Variants in EYS observed in about 807,000 individuals in gnomAD.
EYS encodes the protein EGF-like photoreceptor maintenance factor.
A neutral mutation model predicts 282.1 loss-of-function variants in EYS; 250 were observed. That is an observed-to-expected ratio of 0.89 (90% confidence interval 0.80 to 0.98). The LOEUF is 0.98. Among genes scored for constraint, EYS ranks in the 50% least tolerant of loss-of-function variants. The pLI is 0.00. For missense variants in EYS, 4,016 were observed against 3,709.0 expected (o/e 1.08, Z -2.15); for synonymous variants, 1,355 against 1,282.9 (o/e 1.06, Z -1.20).
chr6:64,771,324 TTG>T (rs1773516737), intron 22 of EYS, among the ~76,000 whole-genome samples: 1 of 151,716 alleles, frequency 6.6e-6, no homozygotes, highest in African/African-American at 2.4e-5. Flanking sequence ...AATAACTATC[TTG>T]TGTTTTTGTT....
At chr6:63,873,224 T>G in intron 35 of EYS, among the ~76,000 whole-genome samples, 1 of 150,410 alleles carries the variant, frequency 6.6e-6, no homozygotes, top group Non-Finnish European at 1.5e-5. Flanking sequence ...TATTGTTTAA[T>G]TCCCACCTAT....
chr6:64,693,750 T>C (rs1315387773), intron 22 of EYS, among the ~76,000 whole-genome samples: 1 of 152,102 alleles, frequency 6.6e-6, no homozygotes, highest in Non-Finnish European at 1.5e-5. Context: ...CATTAATTTT[T>C]TTAAAAAATC....
At chr6:65,104,923 C>T (rs1774991437) in intron 12 of EYS, among the ~76,000 whole-genome samples, 7 of 151,430 alleles carry the variant, frequency 4.6e-5, no homozygotes, top group Admixed American at 4.6e-4. Context: ...AATGAAATCA[C>T]ATACTAATTT....
chr6:65,348,348 C>T (rs553816355), intron 9 of EYS, among the ~76,000 whole-genome samples: 1 of 151,854 alleles, frequency 6.6e-6, no homozygotes, highest in East Asian at 1.9e-4. Context: ...TACATTCCCA[C>T]CAACAGTGTA....
chr6:64,296,588 ATATATATATATTTTTT>A (rs1561913841), intron 30 of EYS, among the ~76,000 whole-genome samples: 5 of 3,526 alleles, frequency 1.4e-3, no homozygotes, highest in African/African-American at 5.5e-3. Flanking sequence ...ATATATACAT[ATATATATATATTTTTT>A]TTTTTTTTTT....
intron 42 of EYS, among the ~76,000 whole-genome samples, chr6:63,723,208 ACT>A (rs946727287): frequency 1.3e-5 from 2 of 152,196 alleles, no homozygotes; most frequent in African/African-American, 4.8e-5. Flanking sequence ...TAACAAAGAA[ACT>A]CAGTTTATTT....
chr6:64,230,027 T>C (rs1326114549), intron 31 of EYS, among the ~76,000 whole-genome samples: 1 of 152,204 alleles, frequency 6.6e-6, no homozygotes, highest in Admixed American at 6.5e-5. Flanking sequence ...TGGCTTTAGT[T>C]GTCTAGCATT....
intron 31 of EYS, among the ~76,000 whole-genome samples, chr6:64,157,026 C>T (rs1774946461): frequency 6.6e-6 from 1 of 150,680 alleles, no homozygotes; most frequent in Non-Finnish European, 1.5e-5. Flanking sequence ...GTATATCTCC[C>T]AATGCTATAC....
intron 5 of EYS, among the ~76,000 whole-genome samples, chr6:65,405,581 C>A (rs1766702318): frequency 6.6e-6 from 1 of 152,046 alleles, no homozygotes; most frequent in Admixed American, 6.6e-5. Flanking sequence ...ACTCAAGCAT[C>A]ATCACAATAC....
At chr6:65,417,355 G>A (rs1767278990) in intron 5 of EYS, among the ~76,000 whole-genome samples, 1 of 152,002 alleles carries the variant, frequency 6.6e-6, no homozygotes, top group Non-Finnish European at 1.5e-5. Context: ...TATTAATTCA[G>A]TTTTGGCCAT....
chr6:63,859,111 T>TAA lies in EYS; in HGVS notation c.7228+5073_7228+5074dup, dbSNP rs1554182595. On this transcript the variant is annotated intron_variant, in intron 36 of 42. Transcript: ENST00000503581. ...TTTTTTTTTTTTTTTTTTTTTTTTT[T>TAA]AATAGCTGGGATGGAGATGCAGCCT... 3.4e-4 allele frequency among the ~76,000 whole-genome samples: 24 copies of TAA among 71,204 alleles called. 1 individual carries two copies. Among genetic ancestry groups the TAA allele is most frequent in the African/African-American group, 1.0e-3 (16 of 15,790 alleles). The allele number at this position is 71,204 out of a possible 152,430, so 46.7% of individuals were successfully genotyped here.
intron 22 of EYS, among the ~76,000 whole-genome samples, chr6:64,742,738 T>C (rs1772418137): frequency 6.6e-6 from 1 of 152,162 alleles, no homozygotes; most frequent in African/African-American, 2.4e-5. Flanking sequence ...ATGTCAATCA[T>C]ATTTAAATAA....
intron 2 of EYS, among the ~76,000 whole-genome samples, chr6:65,521,959 C>T (rs1582410799): frequency 6.6e-6 from 1 of 152,072 alleles, no homozygotes; most frequent in African/African-American, 2.4e-5. Context: ...CATTTTTGCT[C>T]ATAAATAATT....
At chr6:64,679,803 C>T (rs1769833399) in intron 22 of EYS, among the ~76,000 whole-genome samples, 1 of 152,102 alleles carries the variant, frequency 6.6e-6, no homozygotes, top group Non-Finnish European at 1.5e-5. Flanking sequence ...TCACATGCTA[C>T]ACACATTTAC....
intron 31 of EYS, among the ~76,000 whole-genome samples, chr6:64,186,207 A>C (rs1376614462): frequency 6.6e-6 from 1 of 151,234 alleles, no homozygotes; most frequent in African/African-American, 2.4e-5. Context: ...AAAGGCCAGA[A>C]ACCTAGATGA....
intron 22 of EYS, among the ~76,000 whole-genome samples, chr6:64,662,245 A>T (rs1427163863): frequency 1.6e-5 from 1 of 62,554 alleles, no homozygotes; most frequent in African/African-American, 6.6e-5. Context: ...GGGTGGGGGG[A>T]GGGGGGAGGG....
chr6:65,679,175 A>G (rs1768732229), intron 1 of EYS, among the ~76,000 whole-genome samples: 2 of 151,978 alleles, frequency 1.3e-5, no homozygotes, highest in South Asian at 4.1e-4. Flanking sequence ...AAGTAACTGA[A>G]AGCAGGATCT....
At chr6:64,324,461 C>T (rs989442252) in intron 29 of EYS, among the ~76,000 whole-genome samples, 6 of 152,148 alleles carry the variant, frequency 3.9e-5, no homozygotes, top group African/African-American at 1.4e-4. Flanking sequence ...CTTCAACGAA[C>T]TAGGCATTGA....
rs1765578620 is a variant in EYS, at chr6:65,189,032, A to T, written c.2023+106831T>A. On this transcript the variant is annotated intron_variant, in intron 12 of 42. Coordinates refer to ENST00000503581, the MANE Select transcript of EYS (RefSeq NM_001142800.2). ...TATAAAATTAATATAGCTTCTATGA[A>T]TACCTCTATCTTAATTATATAGTTA... Among the ~76,000 whole-genome samples the T allele has an allele frequency of 3.3e-5, 5 of 151,636 alleles. No individual in the cohort carries two copies. The Admixed American group carries it at 3.3e-4, about 10-fold the overall frequency.
Sources: allele counts gnomAD v4.1 joint callset (sites outside exome capture counted in the v4.1 genomes callset), GRCh38; gene constraint gnomAD v4.1.1; transcripts MANE v1.5; gene names NCBI Gene and HGNC (gene_info 2026-07-23, HGNC 2026-07-21).